The following CTNNBL1 variants were observed in gnomAD, a reference collection of about 807,000 sequenced individuals.
CTNNBL1 encodes catenin beta like 1.
CTNNBL1 carries 31 observed loss-of-function variants against 72.7 expected under a neutral mutation model. That is an observed-to-expected ratio of 0.43 (90% confidence interval 0.32 to 0.58). The LOEUF (loss-of-function observed/expected upper bound fraction) is 0.58, where lower values mean the gene tolerates loss of function less well. Among genes scored for constraint, CTNNBL1 ranks in the 20% least tolerant of loss-of-function variants. The pLI is 0.08. For synonymous variants in CTNNBL1, 240 were observed against 267.3 expected (o/e 0.90, Z 1.00); for missense variants, 534 against 725.1 (o/e 0.74, Z 3.03).
chr20:37,694,291 T>A, intron 1 of CTNNBL1, 139 bp downstream of exon 1: 1 of 704,952 alleles, frequency 1.4e-6, no homozygotes, highest in Non-Finnish European at 2.2e-6. Context: ...TCTCAGCCCC[T>A]CGTTTTACTT....
At chr20:37,782,208 G>T (rs560043676) in intron 10 of CTNNBL1, among the ~76,000 whole-genome samples, 1 of 152,254 alleles carries the variant, frequency 6.6e-6, no homozygotes, top group East Asian at 1.9e-4. Flanking sequence ...GCTAGTGAGG[G>T]ATGCACACAT....
intron 10 of CTNNBL1, among the ~76,000 whole-genome samples, chr20:37,797,496 TACTC>T (rs2122726231): frequency 6.6e-6 from 1 of 152,262 alleles, no homozygotes; most frequent in African/African-American, 2.4e-5. Context: ...AGGGTAATCT[TACTC>T]ACACCATGGA....
At chr20:37,785,368 C>G (rs2122703299) in intron 10 of CTNNBL1, among the ~76,000 whole-genome samples, 1 of 152,342 alleles carries the variant, frequency 6.6e-6, no homozygotes, top group Non-Finnish European at 1.5e-5. Flanking sequence ...CCCAATATCT[C>G]TATCTCCTCT....
At chr20:37,847,940 A>T (rs2072360471) in intron 13 of CTNNBL1, 1 of 152,642 alleles carries the variant, frequency 6.6e-6, no homozygotes, top group African/African-American at 2.4e-5. Flanking sequence ...TTTGCATTCG[A>T]AGCTCATTTA....
intron 13 of CTNNBL1, among the ~76,000 whole-genome samples, chr20:37,850,476 T>A (rs547527212): frequency 2.6e-4 from 32 of 120,820 alleles, no homozygotes; most frequent in Non-Finnish European, 4.3e-4. Flanking sequence ...AACATGCGTA[T>A]GTGCTGAGAC....
At chr20:37,830,263 A>G (rs1000690653) in intron 11 of CTNNBL1, among the ~76,000 whole-genome samples, 1 of 152,194 alleles carries the variant, frequency 6.6e-6, no homozygotes, top group Non-Finnish European at 1.5e-5. Flanking sequence ...GCAAATTAAC[A>G]TATCCATCAT....
At chr20:37,709,821 G>A (rs2072921724) in intron 1 of CTNNBL1, among the ~76,000 whole-genome samples, 1 of 152,232 alleles carries the variant, frequency 6.6e-6, no homozygotes, top group Non-Finnish European at 1.5e-5. Flanking sequence ...GGCACAGATT[G>A]TATTGAATTG....
chr20:37,731,398 G>A (rs954735738), intron 1 of CTNNBL1, among the ~76,000 whole-genome samples: 6 of 152,030 alleles, frequency 3.9e-5, no homozygotes, highest in Non-Finnish European at 8.8e-5. Flanking sequence ...ACCACGCCTG[G>A]CTAATTTTGT....
chr20:37,782,263 C>T (rs1386642768), intron 10 of CTNNBL1, among the ~76,000 whole-genome samples: 1 of 152,092 alleles, frequency 6.6e-6, no homozygotes, highest in African/African-American at 2.4e-5. Flanking sequence ...TTCAGGAGAA[C>T]AGTTACTTTT....
At chr20:37,799,276 A>G (rs1417957311) in intron 10 of CTNNBL1, among the ~76,000 whole-genome samples, 1 of 152,048 alleles carries the variant, frequency 6.6e-6, no homozygotes, top group Non-Finnish European at 1.5e-5. Flanking sequence ...TGAAATTCTC[A>G]TGCCTTCTCG....
In CTNNBL1 at chr20:37,694,082, C is replaced by T. The variant is rs1199429683; in HGVS notation, c.-41C>T. The T allele has an allele frequency of 6.3e-7, 1 of 1,596,652 alleles. No homozygotes were observed. Among genetic ancestry groups the T allele is most frequent in the Non-Finnish European group, 8.5e-7 (1 of 1,172,820 alleles). On this transcript the variant is annotated 5_prime_UTR_variant, in exon 1 of 16. Transcript: ENST00000361383. ...GCGGCTGACGGGCCCGCGGTCTGGGCGTGAGTGCAGGGAAGTGGAGTATTT... is the reference window on the plus strand; with the variant it reads ...GCGGCTGACGGGCCCGCGGTCTGGGTGTGAGTGCAGGGAAGTGGAGTATTT...
chr20:37,857,642 C>T (rs994220704), intron 13 of CTNNBL1, among the ~76,000 whole-genome samples: 1 of 152,120 alleles, frequency 6.6e-6, no homozygotes, highest in African/African-American at 2.4e-5. Context: ...GAAGGATTCT[C>T]GGTGGAGATT....
chr20:37,815,315 CTTT>C, intron 11 of CTNNBL1, among the ~76,000 whole-genome samples: 1 of 139,034 alleles, frequency 7.2e-6, no homozygotes. Flanking sequence ...TTGGCTCCTC[CTTT>C]TTTTTTTTTT....
At chr20:37,797,226 C>T (rs2073784345) in intron 10 of CTNNBL1, among the ~76,000 whole-genome samples, 2 of 152,076 alleles carry the variant, frequency 1.3e-5, no homozygotes, top group Non-Finnish European at 2.9e-5. Context: ...GTATTTCAGA[C>T]TCTAATGTAA....
chr20:37,754,566 G>A (rs1228000359), intron 4 of CTNNBL1, among the ~76,000 whole-genome samples: 1 of 151,978 alleles, frequency 6.6e-6, no homozygotes, highest in Non-Finnish European at 1.5e-5. Flanking sequence ...TTGGAAGAGT[G>A]GGGAGGTGTT....
intron 13 of CTNNBL1, among the ~76,000 whole-genome samples, chr20:37,854,755 A>G (rs2072424813): frequency 6.6e-6 from 1 of 151,640 alleles, no homozygotes; most frequent in Non-Finnish European, 1.5e-5. Flanking sequence ...CTCCTGGTTA[A>G]TTTTTGAATT....
chr20:37,863,650 G>A (rs767331766), intron 15 of CTNNBL1, among the ~76,000 whole-genome samples: 8 of 152,096 alleles, frequency 5.3e-5, no homozygotes, highest in Non-Finnish European at 8.8e-5. Context: ...AGTGTTGGGT[G>A]GGGTGTGGCT....
chr20:37,843,603 A>G (rs1265033010), intron 13 of CTNNBL1, among the ~76,000 whole-genome samples: 3 of 152,214 alleles, frequency 2.0e-5, no homozygotes, highest in Non-Finnish European at 4.4e-5. Context: ...TCTATCTAGA[A>G]GACCAGTCAG....
intron 10 of CTNNBL1, among the ~76,000 whole-genome samples, chr20:37,792,269 C>A (rs151105707): frequency 1.5e-3 from 233 of 151,948 alleles, no homozygotes; most frequent in Non-Finnish European, 2.9e-3. Context: ...TTTTCTGTTT[C>A]CGATTTCAGT....
Sources: allele counts gnomAD v4.1 joint callset (sites outside exome capture counted in the v4.1 genomes callset), GRCh38; gene constraint gnomAD v4.1.1; transcripts MANE v1.5; gene names NCBI Gene and HGNC (gene_info 2026-07-23, HGNC 2026-07-21).